The following SUSD4 variants were observed in gnomAD, a reference collection of about 807,000 sequenced individuals.
SUSD4 encodes sushi domain containing 4.
SUSD4 carries 41 observed loss-of-function variants against 50.5 expected under a neutral mutation model. The observed-to-expected ratio is 0.81, with a 90% CI of 0.63 to 1.05. The LOEUF is 1.05. Ranked by LOEUF, SUSD4 falls within the 50% of genes least tolerant of loss-of-function variation. The probability of loss-of-function intolerance (pLI) is 0.00; values close to 1 mark genes in which losing one functional copy is unlikely to be tolerated. For missense variants in SUSD4, 580 were observed against 634.7 expected (o/e 0.91, Z 0.93); for synonymous variants, 257 against 257.3 (o/e 1.00, Z 0.01).
Position 223,358,388 on chromosome 1 carries a change from G to C in SUSD4, c.148+4890C>G, listed in dbSNP as rs540895260. Reference sequence around the variant, plus strand: ...GAGTCAAGGGGAAGTCACACCACTTGACCAAAGCTAGGTGGCAATTTAAGG... The same window carrying C: ...GAGTCAAGGGGAAGTCACACCACTTCACCAAAGCTAGGTGGCAATTTAAGG... On this transcript the variant is annotated intron_variant, in intron 2 of 8. Transcript: ENST00000366878. 2.0e-5 allele frequency among the ~76,000 whole-genome samples: 3 copies of C among 152,310 alleles called. No individual in the cohort carries two copies. In the East Asian group the frequency reaches 5.8e-4, roughly 29 times the overall value.
chr1:223,356,536 A>G (rs543740467), intron 2 of SUSD4, among the ~76,000 whole-genome samples: 1 of 152,048 alleles, frequency 6.6e-6, no homozygotes, highest in Admixed American at 6.5e-5. Flanking sequence ...TCACCCTCCC[A>G]AAGTGCTGGG....
At chr1:223,256,806 C>G (rs148938400) in intron 5 of SUSD4, among the ~76,000 whole-genome samples, 1 of 152,290 alleles carries the variant, frequency 6.6e-6, no homozygotes, top group East Asian at 1.9e-4. Context: ...AAATTTCCAG[C>G]AGGTAGTCTG....
At chr1:223,290,840 A>C (rs1571987488) in intron 3 of SUSD4, among the ~76,000 whole-genome samples, 1 of 152,184 alleles carries the variant, frequency 6.6e-6, no homozygotes, top group Non-Finnish European at 1.5e-5. Context: ...TCTCTGGGCA[A>C]TATTTAAGAA....
At chr1:223,278,609 G>T (rs1030373978) in intron 3 of SUSD4, among the ~76,000 whole-genome samples, 1 of 152,246 alleles carries the variant, frequency 6.6e-6, no homozygotes, top group Admixed American at 6.5e-5. Context: ...AAGGAGGCCT[G>T]CCTGCCTCTG....
chr1:223,334,354 C>T (rs185637866), intron 2 of SUSD4, among the ~76,000 whole-genome samples: 3 of 151,936 alleles, frequency 2.0e-5, no homozygotes, highest in Non-Finnish European at 2.9e-5. Flanking sequence ...AAGATAAGAA[C>T]ATTTAAGGAT....
intron 2 of SUSD4, among the ~76,000 whole-genome samples, chr1:223,303,903 A>G (rs774471906): frequency 2.0e-5 from 3 of 152,238 alleles, no homozygotes; most frequent in Non-Finnish European, 4.4e-5. Flanking sequence ...CTTAAAACAG[A>G]AACACAGTCT....
chr1:223,288,038 T>C (rs972107612), intron 3 of SUSD4, among the ~76,000 whole-genome samples: 1 of 152,214 alleles, frequency 6.6e-6, no homozygotes, highest in Admixed American at 6.5e-5. Flanking sequence ...ACCCAGGTGC[T>C]GAAGCTCCTG....
At chr1:223,250,822 G>A (rs146704906) in intron 5 of SUSD4, among the ~76,000 whole-genome samples, 3 of 152,322 alleles carry the variant, frequency 2.0e-5, no homozygotes, top group South Asian at 2.1e-4. Context: ...CTAGAGGCAA[G>A]GTTAGCTCAG....
intron 5 of SUSD4, among the ~76,000 whole-genome samples, chr1:223,258,786 C>A (rs748297405): frequency 2.3e-4 from 35 of 152,120 alleles, no homozygotes; most frequent in Non-Finnish European, 3.4e-4. Flanking sequence ...GACCAGACTC[C>A]CTGGGGCCTC....
chr1:223,241,243 A>T (rs1459010887), intron 5 of SUSD4, among the ~76,000 whole-genome samples: 2 of 152,192 alleles, frequency 1.3e-5, no homozygotes, highest in Non-Finnish European at 2.9e-5. Flanking sequence ...CCAGAAGCAC[A>T]AGGGGATTTT....
intron 3 of SUSD4, among the ~76,000 whole-genome samples, chr1:223,276,309 A>G (rs1024517761): frequency 1.3e-5 from 2 of 152,314 alleles, no homozygotes; most frequent in Middle Eastern, 3.4e-3. Context: ...TTGCCTGACA[A>G]TTCTGGGACT....
At position 223,363,300 on chromosome 1, in the gene SUSD4, G is replaced by A; in HGVS notation, c.126C>T (p.Phe42=). 1 of 1,608,500 alleles carries A rather than the reference G, an allele frequency of 6.2e-7. No individual in the cohort carries two copies. Residue 42 remains phenylalanine (F), a synonymous_variant, in exon 2 of 9, where the codon TTC becomes TTT. Coordinates refer to ENST00000366878, the MANE Select transcript of SUSD4 (RefSeq NM_017982.4). ...CACCGCCCGTGAGCTGTGCAGGGCC[G>A]AAGCACAGCGCCAGCTGAAACCACA... ...VILWFQLALC[F]GPAQLTGGFD...
At chr1:223,317,325 A>C (rs1237583262) in intron 2 of SUSD4, among the ~76,000 whole-genome samples, 2 of 152,240 alleles carry the variant, frequency 1.3e-5, no homozygotes, top group African/African-American at 4.8e-5. Context: ...TAAAAGGGGA[A>C]GCATGAATAA....
intron 1 of SUSD4, 64 bp from the exon 2 acceptor site, chr1:223,363,524 C>A: frequency 6.6e-6 from 9 of 1,363,436 alleles, no homozygotes; most frequent in Non-Finnish European, 8.7e-6. Flanking sequence ...CACGCTCCCC[C>A]TCCTCCGCTC....
At chr1:223,283,781 G>A (rs1373775459) in intron 3 of SUSD4, among the ~76,000 whole-genome samples, 1 of 152,098 alleles carries the variant, frequency 6.6e-6, no homozygotes, top group Non-Finnish European at 1.5e-5. Flanking sequence ...CACATGCACA[G>A]GTATGTTTAT....
intron 5 of SUSD4, among the ~76,000 whole-genome samples, chr1:223,233,279 C>A (rs181426097): frequency 6.6e-6 from 1 of 152,206 alleles, no homozygotes; most frequent in East Asian, 1.9e-4. Flanking sequence ...ACCTGGCAGA[C>A]CATTAGCTTT....
At chr1:223,327,167 T>C (rs1572068037) in intron 2 of SUSD4, among the ~76,000 whole-genome samples, 1 of 152,154 alleles carries the variant, frequency 6.6e-6, no homozygotes, top group African/African-American at 2.4e-5. Flanking sequence ...AGGAACAAAA[T>C]AATGTCTTTG....
In SUSD4 at chr1:223,266,933, G is replaced by A. The variant is rs549503688; in HGVS notation, c.535+1569C>T. Among the ~76,000 whole-genome samples, 6 of 152,360 alleles carry A rather than the reference G, an allele frequency of 3.9e-5. No homozygotes were observed. The South Asian group carries it at 1.2e-3, about 32-fold the overall frequency. The stretch of plus-strand genomic sequence containing the variant: ...CAGGACCTATCTTTCTGTGCAGCAA[G>A]ATGTGGGGTGCACTAGAGGGTAGGG... On this transcript the variant is annotated intron_variant, in intron 4 of 8. Transcript: ENST00000366878.
intron 2 of SUSD4, among the ~76,000 whole-genome samples, chr1:223,328,281 A>G (rs1212414576): frequency 6.6e-6 from 1 of 152,108 alleles, no homozygotes; most frequent in Non-Finnish European, 1.5e-5. Context: ...CGGTCCTTAC[A>G]GCCTCTATTT....
Sources: allele counts gnomAD v4.1 joint callset (sites outside exome capture counted in the v4.1 genomes callset), GRCh38; gene constraint gnomAD v4.1.1; transcripts MANE v1.5; gene names NCBI Gene and HGNC (gene_info 2026-07-23, HGNC 2026-07-21).